Variants in PHTF2 observed in about 807,000 individuals in gnomAD.
PHTF2 encodes putative homeodomain transcription factor 2, also known as protein PHTF2.
PHTF2 carries 60 observed loss-of-function variants against 101.2 expected under a neutral mutation model. The observed-to-expected ratio is 0.59, with a 90% CI of 0.48 to 0.73. The LOEUF (loss-of-function observed/expected upper bound fraction) is 0.73. Ranked by LOEUF, PHTF2 falls within the 30% of genes least tolerant of loss-of-function variation. PHTF2 has a pLI of 0.00. For missense variants in PHTF2, 747 were observed against 908.7 expected, an observed-to-expected ratio of 0.82 and a Z score of 2.29; for synonymous variants, 311 against 307.3, an observed-to-expected ratio of 1.01 and a Z score of -0.13.
chr7:77,933,713 T>G (rs74829326), intron 12 of PHTF2, among the ~76,000 whole-genome samples: 3 of 129,600 alleles, frequency 2.3e-5, no homozygotes, highest in African/African-American at 1.1e-4. Context: ...GACCATGTGT[T>G]TTTTTTTTTT....
intron 1 of PHTF2, among the ~76,000 whole-genome samples, chr7:77,823,895 T>G (rs979179188): frequency 1.1e-4 from 16 of 152,344 alleles, no homozygotes; most frequent in Admixed American, 9.8e-4. Flanking sequence ...AACTCTTTTC[T>G]TTGGCAGTGG....
At chr7:77,914,065 C>CA (rs777175186) in intron 9 of PHTF2, among the ~76,000 whole-genome samples, 2,264 of 68,000 alleles carry the variant, frequency 0.033, 34 homozygotes, top group Non-Finnish European at 0.046. Context: ...GACTCTGTCT[C>CA]AAAAAAAAAA....
At chr7:77,806,384 T>G (rs1268804724) in intron 1 of PHTF2, among the ~76,000 whole-genome samples, 3 of 152,242 alleles carry the variant, frequency 2.0e-5, no homozygotes, top group Non-Finnish European at 4.4e-5. Context: ...TTATAATTAC[T>G]TGGTCAATTG....
At chr7:77,816,174 A>G (rs1166888463) in intron 1 of PHTF2, among the ~76,000 whole-genome samples, 1 of 152,114 alleles carries the variant, frequency 6.6e-6, no homozygotes, top group Non-Finnish European at 1.5e-5. Context: ...TCCTAGGTTC[A>G]AGTGATTCTC....
intron 16 of PHTF2, among the ~76,000 whole-genome samples, chr7:77,944,448 C>T (rs1358193008): frequency 2.6e-5 from 4 of 152,206 alleles, no homozygotes; most frequent in Non-Finnish European, 5.9e-5. Context: ...TATAACTCTT[C>T]CCTTACTACA....
intron 12 of PHTF2, among the ~76,000 whole-genome samples, chr7:77,930,726 G>T (rs1473154144): frequency 4.6e-5 from 7 of 152,152 alleles, no homozygotes; most frequent in Admixed American, 3.9e-4. Flanking sequence ...CTTGGTAAAG[G>T]TTCTCTTCCT....
intron 3 of PHTF2, among the ~76,000 whole-genome samples, chr7:77,860,008 T>C (rs1797501408): frequency 6.6e-6 from 1 of 152,216 alleles, no homozygotes; most frequent in Admixed American, 6.5e-5. Context: ...TTCTTACTTA[T>C]TATAAATAAT....
chr7:77,922,007 G>A (rs1365763428), intron 10 of PHTF2, among the ~76,000 whole-genome samples: 2 of 118,894 alleles, frequency 1.7e-5, no homozygotes, highest in African/African-American at 3.2e-5. Context: ...CTTTTCTCCT[G>A]TTTATATTCC....
rs75059465 is a variant in PHTF2 at position 77,820,841 on chromosome 7, C to A, written c.-35-19380C>A. 5.8e-4 allele frequency among the ~76,000 whole-genome samples: 89 copies of A among 152,154 alleles called. No homozygotes were observed. In the East Asian group the frequency reaches 0.015, roughly 25 times the overall value. On this transcript the variant is annotated intron_variant, in intron 1 of 19. Coordinates refer to ENST00000416283, the Ensembl canonical transcript of PHTF2. The stretch of plus-strand genomic sequence containing the variant: ...CTTCTTGTTTTCTATTTCCTTTTTT[C>A]CTCTCTTATTGTTTATTTTTGTGGT...
At chr7:77,904,541 A>T (rs1470193635) in intron 7 of PHTF2, among the ~76,000 whole-genome samples, 1 of 152,222 alleles carries the variant, frequency 6.6e-6, no homozygotes, top group African/African-American at 2.4e-5. Context: ...TGCAAGAGTG[A>T]GGCAATGTCA....
intron 5 of PHTF2, among the ~76,000 whole-genome samples, chr7:77,897,577 C>T (rs1800989178): frequency 6.6e-6 from 1 of 151,990 alleles, no homozygotes; most frequent in African/African-American, 2.4e-5. Flanking sequence ...AACTGTTTAA[C>T]AGTTCTTGAT....
intron 1 of PHTF2, among the ~76,000 whole-genome samples, chr7:77,836,813 G>A (rs951816437): frequency 7.9e-5 from 12 of 151,778 alleles, no homozygotes; most frequent in African/African-American, 2.2e-4. Context: ...CACCAGGGCC[G>A]GTCGGGGTGG....
chr7:77,882,861 T>G (rs1484304411), intron 3 of PHTF2, among the ~76,000 whole-genome samples: 1 of 152,174 alleles, frequency 6.6e-6, no homozygotes, highest in Non-Finnish European at 1.5e-5. Context: ...ATGATTCATC[T>G]TCCTCATTTG....
intron 13 of PHTF2, among the ~76,000 whole-genome samples, chr7:77,939,589 CA>C (rs914007792): frequency 0.092 from 6,870 of 75,048 alleles, 260 homozygotes; most frequent in African/African-American, 0.2. Context: ...GACCCTGTCT[CA>C]AAAAAAAAAA....
chr7:77,953,717 G>A, intron 18 of PHTF2, 52 bp from the exon 18 acceptor site: 1 of 1,543,708 alleles, frequency 6.5e-7, no homozygotes, highest in South Asian at 1.2e-5. Flanking sequence ...TTCTGAATTA[G>A]CTTAGTAATT....
chr7:77,842,544 A>G (rs1343408663), intron 2 of PHTF2, among the ~76,000 whole-genome samples: 2 of 152,120 alleles, frequency 1.3e-5, no homozygotes, highest in African/African-American at 4.8e-5. Flanking sequence ...TTAGTGTTTC[A>G]AGGATTATTG....
chr7:77,847,271 A>G (rs1032693725), intron 2 of PHTF2, among the ~76,000 whole-genome samples: 20 of 152,330 alleles, frequency 1.3e-4, no homozygotes, highest in African/African-American at 4.6e-4. Flanking sequence ...AAGATCTACC[A>G]AAAAGAAGTA....
At position 77,954,841 on chromosome 7, in the gene PHTF2, T is replaced by TG. The variant is rs1806896142; in HGVS notation, c.2338-17_2338-16insG. On this transcript the variant is annotated splice_polypyrimidine_tract_variant and intron_variant, in intron 19 of 19. Coordinates refer to ENST00000416283, the Ensembl canonical transcript of PHTF2. Reference sequence around the variant, plus strand: ...ATTAAAACTGGCTTGTCACCACTTCTATTTTTTTTTTTCTAGCTATGGAAG... The same window carrying TG: ...ATTAAAACTGGCTTGTCACCACTTCTGATTTTTTTTTTTCTAGCTATGGAAG... The TG allele has an allele frequency of 1.4e-5, 20 of 1,425,840 alleles. No individual in the cohort carries two copies. The highest frequency in any genetic ancestry group is 1.9e-5 in the Non-Finnish European group (20 of 1,032,304). The allele number at this position is 1,425,840 out of a possible 1,614,324, so 88.3% of individuals were successfully genotyped here.
At chr7:77,940,086 C>T (rs1199243059) in exon 14 of PHTF2, 2 of 1,613,486 alleles carry the variant, frequency 1.2e-6, no homozygotes, top group East Asian at 2.2e-5. Flanking sequence ...CAGTCTCTCT[C>T]ATACTGGGTT....
Sources: allele counts gnomAD v4.1 joint callset (sites outside exome capture counted in the v4.1 genomes callset), GRCh38; gene constraint gnomAD v4.1.1; transcripts MANE v1.5; gene names NCBI Gene and HGNC (gene_info 2026-07-23, HGNC 2026-07-21).